The following SUFU variants were observed in gnomAD, a reference collection of about 807,000 sequenced individuals.
SUFU encodes the protein suppressor of fused homolog.
In SUFU, 7 loss-of-function variants were observed where a neutral mutation model predicts 58.9. That is an observed-to-expected ratio of 0.12 (90% confidence interval 0.07 to 0.22). The LOEUF is 0.22. Ranked by LOEUF, SUFU falls within the 10% of genes least tolerant of loss-of-function variation. SUFU has a pLI of 1.00. For synonymous variants in SUFU, 232 were observed against 254.8 expected (o/e 0.91, Z 0.85); for missense variants, 451 against 641.3 (o/e 0.70, Z 3.20).
At chr10:102,588,581 A>C (rs1479603380) in intron 3 of SUFU, among the ~76,000 whole-genome samples, 1 of 152,154 alleles carries the variant, frequency 6.6e-6, no homozygotes, top group Non-Finnish European at 1.5e-5. Context: ...CGTCTTCTTT[A>C]AGAATGTTTT....
At chr10:102,622,222 G>A (rs896068815) in intron 10 of SUFU, among the ~76,000 whole-genome samples, 4 of 152,206 alleles carry the variant, frequency 2.6e-5, no homozygotes, top group African/African-American at 9.7e-5. Flanking sequence ...CACCCCTGTT[G>A]GTTAAGCCTG....
At position 102,619,007 on chromosome 10, in the gene SUFU, G is replaced by T. The variant is rs1378018029; in HGVS notation, c.1296+1579G>T. 4 of 1,544,096 alleles carry T rather than the reference G, an allele frequency of 2.6e-6. No individual in the cohort carries two copies. Among genetic ancestry groups the T allele is most frequent in the Non-Finnish European group, 3.6e-6 (4 of 1,121,758 alleles). On this transcript the variant is annotated intron_variant, in intron 10 of 11. Transcript: ENST00000369902. The surrounding 1 kb of genome is among the most constrained non-coding windows in gnomAD (Gnocchi z 4.2). ...TGTTCAAGCACGTTTTCCTGGGACA[G>T]TCGGGACTGGGGCCTCCCCAAACTG...
rs2062286464 is a variant in SUFU at position 102,504,085 on chromosome 10, T to C, written c.-68T>C. 2.7e-6 allele frequency: 4 copies of C among 1,484,526 alleles called. No homozygotes were observed. The East Asian group carries it at 1.0e-4, about 37-fold the overall frequency. 92.0% of individuals were successfully genotyped at this position (1,484,526 alleles called of 1,614,324 possible). A position where few individuals can be genotyped will look rare whatever the true frequency, so the allele number is the denominator to read the frequency against. ...AGTCTCACCCACCGAGTCCGCCCGCTGGCCCGTCAGTGCTCTCCCCGTCGT... is the reference window on the plus strand; with the variant it reads ...AGTCTCACCCACCGAGTCCGCCCGCCGGCCCGTCAGTGCTCTCCCCGTCGT... On this transcript the variant is annotated 5_prime_UTR_variant, in exon 1 of 12. Transcript: ENST00000369902.
intron 8 of SUFU, among the ~76,000 whole-genome samples, chr10:102,601,306 A>G (rs1315758216): frequency 6.6e-6 from 1 of 152,138 alleles, no homozygotes; most frequent in Non-Finnish European, 1.5e-5. Flanking sequence ...GCTCCTAGAT[A>G]TACACATAAG....
intron 2 of SUFU, among the ~76,000 whole-genome samples, chr10:102,513,717 C>G (rs759855806): frequency 2.4e-4 from 37 of 152,130 alleles, no homozygotes; most frequent in Non-Finnish European, 2.9e-4. Context: ...CCATCTGCAG[C>G]CTGACGCGGT....
At chr10:102,533,062 G>A (rs1202166005) in intron 2 of SUFU, among the ~76,000 whole-genome samples, 1 of 152,078 alleles carries the variant, frequency 6.6e-6, no homozygotes, top group Non-Finnish European at 1.5e-5. Context: ...GAGAAGGGAG[G>A]GGGCAGAGTT....
intron 6 of SUFU, among the ~76,000 whole-genome samples, 178 bp from the exon 7 acceptor site, chr10:102,596,962 C>G (rs1227795122): frequency 6.6e-6 from 1 of 152,104 alleles, no homozygotes; most frequent in Non-Finnish European, 1.5e-5. Context: ...CTGGCAGAGA[C>G]CATCATGCAT....
chr10:102,558,349 T>C (rs2063002399), intron 3 of SUFU, among the ~76,000 whole-genome samples: 1 of 152,214 alleles, frequency 6.6e-6, no homozygotes, highest in Non-Finnish European at 1.5e-5. Context: ...TAGCTACGAC[T>C]ACAGGTGCAC....
intron 3 of SUFU, among the ~76,000 whole-genome samples, chr10:102,558,153 TG>T (rs1328018713): frequency 2.0e-5 from 3 of 152,170 alleles, no homozygotes; most frequent in African/African-American, 7.2e-5. Context: ...CCACCCGCCA[TG>T]GCCTCCCAAA....
chr10:102,554,102 A>C (rs1028749653), intron 3 of SUFU, among the ~76,000 whole-genome samples: 1 of 152,024 alleles, frequency 6.6e-6, no homozygotes, highest in Non-Finnish European at 1.5e-5. Context: ...CTCAAAAAAC[A>C]AAAACAAAAA....
At chr10:102,553,092 A>T (rs2062935018) in intron 3 of SUFU, among the ~76,000 whole-genome samples, 1 of 152,192 alleles carries the variant, frequency 6.6e-6, no homozygotes, top group Non-Finnish European at 1.5e-5. Flanking sequence ...GGACAGGGTG[A>T]CTACACTCCT....
upstream of SUFU, chr10:102,502,821 C>T: frequency 3.2e-6 from 2 of 629,520 alleles, no homozygotes; most frequent in East Asian, 2.8e-5. Flanking sequence ...AGCGATCTAG[C>T]TTGCTTTGTT....
intron 3 of SUFU, among the ~76,000 whole-genome samples, chr10:102,567,155 G>T (rs1284672803): frequency 2.7e-5 from 4 of 150,300 alleles, no homozygotes; most frequent in Non-Finnish European, 5.9e-5. Flanking sequence ...GGAATTACAG[G>T]TGCCCACCAC....
intron 8 of SUFU, among the ~76,000 whole-genome samples, chr10:102,601,567 C>G (rs938127294): frequency 2.6e-5 from 4 of 152,210 alleles, no homozygotes; most frequent in African/African-American, 9.7e-5. Context: ...TCCTCTGAGG[C>G]TGTCAGTATT....
At chr10:102,599,256 G>A (rs1202349000) in intron 7 of SUFU, among the ~76,000 whole-genome samples, 177 bp from the exon 8 acceptor site, 2 of 152,198 alleles carry the variant, frequency 1.3e-5, no homozygotes, top group Non-Finnish European at 1.5e-5. Flanking sequence ...TAAGAGCGCG[G>A]TTGTCCCCTC....
Position 102,518,337 on chromosome 10 carries a change from C to T in SUFU, c.317+9034C>T, listed in dbSNP as rs2062497483. 2.6e-5 allele frequency among the ~76,000 whole-genome samples: 4 copies of T among 152,230 alleles called. No homozygotes were observed. In the South Asian group the frequency reaches 8.3e-4, roughly 32 times the overall value. ...AGTCTGGATCCAGTAGTCACCACCT[C>T]CTTTTTCTACCTCCTGCAGAGAGCT... On this transcript the variant is annotated intron_variant, in intron 2 of 11. Transcript: ENST00000369902.
intron 11 of SUFU, 69 bp downstream of exon 11, chr10:102,627,312 C>T (rs749598623): frequency 9.3e-6 from 13 of 1,395,598 alleles, no homozygotes; most frequent in African/African-American, 1.4e-5. Flanking sequence ...TGCGTGTGCA[C>T]GTCTGTGCAT....
At chr10:102,517,903 G>A (rs928678458) in intron 2 of SUFU, among the ~76,000 whole-genome samples, 1 of 152,178 alleles carries the variant, frequency 6.6e-6, no homozygotes, top group East Asian at 1.9e-4. Context: ...AAGATGATGT[G>A]TTTGAGTGTG....
Position 102,550,127 on chromosome 10 carries a change from G to A in SUFU, c.454+21G>A, listed in dbSNP as rs750698925. On this transcript the variant is annotated intron_variant, in intron 3 of 11. Coordinates refer to ENST00000369902, the MANE Select transcript of SUFU (RefSeq NM_016169.4). ...GTCAGGTAGGAGGCCAGGGCTGGCT[G>A]CTGTGCTGGTCCTTTTGCCATGAGC... 1.5e-5 allele frequency: 24 copies of A among 1,613,922 alleles called. No homozygotes were observed. In the South Asian group the frequency reaches 2.6e-4, roughly 18 times the overall value.
Sources: gnomAD v4.1 joint callset for allele counts (sites outside exome capture counted in the v4.1 genomes callset) on GRCh38, gnomAD v4.1.1 for gene constraint, Gnocchi (gnomAD v3.1) non-coding constraint, MANE v1.5 for transcripts, NCBI Gene and HGNC (gene_info 2026-07-23, HGNC 2026-07-21) for gene names.